MECOM: variants seen among roughly 807,000 people sequenced by gnomAD.
The protein encoded by MECOM is histone-lysine N-methyltransferase MECOM.
Under a neutral mutation model 116.3 loss-of-function variants are expected in MECOM, and 13 were observed. The ratio of observed to expected loss-of-function variants is 0.11; its 90% CI spans 0.07 to 0.18. MECOM has a LOEUF of 0.18. Ranked by LOEUF, MECOM falls within the 10% of genes least tolerant of loss-of-function variation. The probability of loss-of-function intolerance (pLI) is 1.00; values close to 1 mark genes in which losing one functional copy is unlikely to be tolerated. For missense variants in MECOM, 1,299 were observed against 1,509.0 expected (o/e 0.86, Z 2.31); for synonymous variants, 528 against 535.2 (o/e 0.99, Z 0.19).
At chr3:169,660,493 C>T (rs1227214425) in intron 1 of MECOM, among the ~76,000 whole-genome samples, 1 of 152,032 alleles carries the variant, frequency 6.6e-6, no homozygotes, top group African/African-American at 2.4e-5. Flanking sequence ...GGCTCCTGTA[C>T]TGTAGTCAAG....
chr3:169,101,068 G>A (rs1723404958), intron 11 of MECOM, 106 bp from the exon 12 acceptor site: 2 of 565,946 alleles, frequency 3.5e-6, no homozygotes, highest in Non-Finnish European at 5.9e-6. Flanking sequence ...AATCTTGCAT[G>A]GAACTCACAT....
intron 3 of MECOM, 109 bp from the exon 4 acceptor site, chr3:169,131,640 ATCTTTT>A (rs1022579581): frequency 1.4e-5 from 11 of 780,694 alleles, no homozygotes; most frequent in Admixed American, 3.0e-5. Flanking sequence ...CTTAACAAAC[ATCTTTT>A]TCTTTTTCTT....
chr3:169,279,700 C>T (rs1711528947), intron 2 of MECOM, among the ~76,000 whole-genome samples: 1 of 152,172 alleles, frequency 6.6e-6, no homozygotes, highest in Non-Finnish European at 1.5e-5. Flanking sequence ...TTAATATTTA[C>T]TTATTCAAAC....
At chr3:169,376,303 A>C (rs546971920) in intron 2 of MECOM, among the ~76,000 whole-genome samples, 1 of 152,310 alleles carries the variant, frequency 6.6e-6, no homozygotes, top group East Asian at 1.9e-4. Context: ...ACTCCTATTC[A>C]ACATAGTATT....
chr3:169,518,896 G>C (rs922726177), intron 1 of MECOM, among the ~76,000 whole-genome samples: 7 of 152,150 alleles, frequency 4.6e-5, no homozygotes, highest in Non-Finnish European at 1.0e-4. Flanking sequence ...ATTCATGTAA[G>C]ACATGACTTG....
At chr3:169,329,060 C>T (rs545480655) in intron 2 of MECOM, among the ~76,000 whole-genome samples, 52 of 152,118 alleles carry the variant, frequency 3.4e-4, no homozygotes, top group African/African-American at 5.1e-4. Context: ...CTACCCATTC[C>T]GAAGTAAAGA....
chr3:169,346,248 C>G (rs1225832668), intron 2 of MECOM, among the ~76,000 whole-genome samples: 1 of 152,056 alleles, frequency 6.6e-6, no homozygotes, highest in Non-Finnish European at 1.5e-5. Flanking sequence ...AATTGCCTTA[C>G]CTCTCTCAGA....
chr3:169,455,882 G>A (rs10804833), intron 1 of MECOM, among the ~76,000 whole-genome samples: 76,398 of 151,994 alleles, frequency 0.5, 19,713 homozygotes, highest in East Asian at 0.82. Flanking sequence ...CGTGGCTGCT[G>A]TTTGTGAATG....
At chr3:169,200,093 G>A (rs1169999048) in intron 2 of MECOM, among the ~76,000 whole-genome samples, 1 of 152,150 alleles carries the variant, frequency 6.6e-6, no homozygotes, top group East Asian at 1.9e-4. Flanking sequence ...GACAATGAAT[G>A]TCCTTCCTCA....
rs1218031553 is a variant in MECOM, at chr3:169,459,181, G to A, written c.38-77657C>T. ...TACTCTTATTCACAAAAGCTGATCT[G>A]ATGTTATAGTTGGATCCTAAACCGT... On this transcript the variant is annotated intron_variant, in intron 1 of 16. Transcript: ENST00000651503. 2.0e-5 allele frequency among the ~76,000 whole-genome samples: 3 copies of A among 152,154 alleles called. No individual in the cohort carries two copies. In the East Asian group the frequency reaches 5.8e-4, roughly 29 times the overall value.
At chr3:169,506,751 G>A (rs1755279355) in intron 1 of MECOM, among the ~76,000 whole-genome samples, 1 of 152,152 alleles carries the variant, frequency 6.6e-6, no homozygotes, top group South Asian at 2.1e-4. Context: ...ACTTACCCCA[G>A]GGTGAGGAGG....
intron 1 of MECOM, among the ~76,000 whole-genome samples, chr3:169,637,018 T>C (rs934061679): frequency 1.3e-5 from 2 of 152,136 alleles, no homozygotes; most frequent in African/African-American, 4.8e-5. Context: ...GCCCTGGGAC[T>C]CGCATTTGAC....
rs192774482 is a variant in MECOM at position 169,176,968 on chromosome 3, A to G, written c.376-33136T>C. Among the ~76,000 whole-genome samples the G allele has an allele frequency of 2.6e-3, 390 of 152,306 alleles. 1 individual carries two copies. The highest frequency in any genetic ancestry group is 4.6e-3 in the Non-Finnish European group (311 of 68,012). On this transcript the variant is annotated intron_variant, in intron 2 of 16. Coordinates refer to ENST00000651503, the MANE Select transcript of MECOM (RefSeq NM_004991.4). ...GATTATTTAAAAGTCAAGAAACAAT[A>G]GATGCTGGTGAGGCTGTGGAGAAAT...
chr3:169,234,200 A>G (rs1209258400), intron 2 of MECOM, among the ~76,000 whole-genome samples: 3 of 152,120 alleles, frequency 2.0e-5, no homozygotes, highest in African/African-American at 7.2e-5. Context: ...AAGGCTGAAA[A>G]GGTGAGTTTC....
intron 1 of MECOM, among the ~76,000 whole-genome samples, chr3:169,454,748 A>T (rs747664442): frequency 6.6e-6 from 1 of 152,188 alleles, no homozygotes; most frequent in Non-Finnish European, 1.5e-5. Context: ...TTCTCAAACA[A>T]TATTTCTCTT....
intron 1 of MECOM, among the ~76,000 whole-genome samples, chr3:169,434,728 AGAG>A (rs1463069312): frequency 1.3e-5 from 2 of 152,210 alleles, no homozygotes; most frequent in Admixed American, 1.3e-4. Context: ...AATTTTTAAG[AGAG>A]GAGATGTTTT....
chr3:169,267,267 T>C (rs1462212709), intron 2 of MECOM, among the ~76,000 whole-genome samples: 1 of 152,258 alleles, frequency 6.6e-6, no homozygotes, highest in African/African-American at 2.4e-5. Context: ...GCCACTGTTT[T>C]TGGGGTCTCT....
intron 1 of MECOM, among the ~76,000 whole-genome samples, chr3:169,608,478 G>T (rs1396958967): frequency 6.6e-6 from 1 of 152,130 alleles, no homozygotes; most frequent in Non-Finnish European, 1.5e-5. Context: ...TCAGCCTGGT[G>T]TTTTTTCTTC....
At chr3:169,440,892 C>T (rs917548164) in intron 1 of MECOM, among the ~76,000 whole-genome samples, 1 of 152,124 alleles carries the variant, frequency 6.6e-6, no homozygotes, top group African/African-American at 2.4e-5. Context: ...GTTGGGTGGT[C>T]TACCAAGGAT....
Sources: gnomAD v4.1 joint callset for allele counts (sites outside exome capture counted in the v4.1 genomes callset) on GRCh38, gnomAD v4.1.1 for gene constraint, MANE v1.5 for transcripts, NCBI Gene and HGNC (gene_info 2026-07-23, HGNC 2026-07-21) for gene names.